Variants in KAT6A observed in about 807,000 individuals in gnomAD.
KAT6A encodes histone acetyltransferase KAT6A.
KAT6A carries 9 observed loss-of-function variants against 198.4 expected under a neutral mutation model. That is an observed-to-expected ratio of 0.05 (90% CI 0.03 to 0.08). The LOEUF (loss-of-function observed/expected upper bound fraction) is 0.08, where lower values mean the gene tolerates loss of function less well. KAT6A is among the 10% of genes least tolerant of loss of function. The pLI is 1.00. For synonymous variants in KAT6A, 890 were observed against 883.0 expected, an observed-to-expected ratio of 1.01 and a Z score of -0.14; for missense variants, 2,077 against 2,509.9, an observed-to-expected ratio of 0.83 and a Z score of 3.69.
chr8:41,930,552 AAT>A lies in KAT6A; in HGVS notation c.*1651_*1652del, dbSNP rs1388843352. ...AAAATTTATCTATATAAAATGTACA[AAT>A]AAAGGAGAGAATTTAATGCTTACAG... On this transcript the variant is annotated 3_prime_UTR_variant, in exon 17 of 17. Transcript: ENST00000265713. 1 of 190,972 alleles carries A rather than the reference AAT, an allele frequency of 5.2e-6. No individual in the cohort carries two copies. Among genetic ancestry groups the A allele is most frequent in the Non-Finnish European group, 1.1e-5 (1 of 91,458 alleles). The allele number at this position is 190,972 out of a possible 1,614,324, so 11.8% of individuals were successfully genotyped here.
intron 2 of KAT6A, among the ~76,000 whole-genome samples, chr8:42,004,787 G>C (rs558797041): frequency 3.9e-5 from 6 of 152,176 alleles, no homozygotes; most frequent in Non-Finnish European, 8.8e-5. Flanking sequence ...TATTAGCCGG[G>C]TGTGGTGGTG....
intron 8 of KAT6A, chr8:41,958,366 A>G (rs533112686): frequency 2.0e-5 from 3 of 152,344 alleles, no homozygotes; most frequent in Admixed American, 2.0e-4. Context: ...AGATGAAAAA[A>G]TAAGCCTCAG....
At chr8:42,002,129 C>A (rs1282797171) in intron 2 of KAT6A, among the ~76,000 whole-genome samples, 1 of 152,196 alleles carries the variant, frequency 6.6e-6, no homozygotes, top group African/African-American at 2.4e-5. Context: ...TCAGACCTCA[C>A]AACTGTCCTA....
At chr8:42,020,958 T>C (rs926251472) in intron 2 of KAT6A, among the ~76,000 whole-genome samples, 6 of 152,074 alleles carry the variant, frequency 3.9e-5, no homozygotes, top group Non-Finnish European at 7.4e-5. Context: ...TAAAGACTTA[T>C]TTTAACAACT....
chr8:41,938,952 AG>A (rs1167711789), intron 15 of KAT6A, among the ~76,000 whole-genome samples: 2 of 135,398 alleles, frequency 1.5e-5, no homozygotes, highest in Non-Finnish European at 3.1e-5. Flanking sequence ...CATCTGGGGA[AG>A]GAAAAAAAAA....
At chr8:42,044,565 A>AT (rs1827820337) in intron 2 of KAT6A, among the ~76,000 whole-genome samples, 1 of 152,158 alleles carries the variant, frequency 6.6e-6, no homozygotes, top group Admixed American at 6.5e-5. Context: ...AAAATCTAAC[A>AT]TACAGTTCCT....
chr8:41,977,358 A>G (rs369926652), intron 6 of KAT6A, 31 bp from the exon 7 acceptor site: 7 of 1,504,002 alleles, frequency 4.7e-6, no homozygotes, highest in African/African-American at 1.4e-5. Context: ...AAGGGTAAGT[A>G]TTAAAAAAGA....
At chr8:42,001,116 A>G (rs1184404209) in intron 2 of KAT6A, among the ~76,000 whole-genome samples, 3 of 152,152 alleles carry the variant, frequency 2.0e-5, no homozygotes, top group Non-Finnish European at 4.4e-5. Flanking sequence ...AGAATGGTTT[A>G]AACTTGGATA....
At chr8:42,028,017 C>G (rs774106581) in intron 2 of KAT6A, among the ~76,000 whole-genome samples, 1 of 151,954 alleles carries the variant, frequency 6.6e-6, no homozygotes, top group East Asian at 1.9e-4. Context: ...AGTGATTGTT[C>G]GGGAGCATGC....
rs188789836 is a variant in KAT6A, at chr8:41,961,682, C to T, written c.1483-6271G>A. On this transcript the variant is annotated intron_variant, in intron 8 of 16. Coordinates refer to ENST00000265713, the MANE Select transcript of KAT6A (RefSeq NM_006766.5). Reference sequence around the variant, plus strand: ...GCAGGAGAATCCCTTGAACCCGGGACGTGGCGGTTGCAATGAGCCGAGATG... The same window carrying T: ...GCAGGAGAATCCCTTGAACCCGGGATGTGGCGGTTGCAATGAGCCGAGATG... 6.5e-4 allele frequency among the ~76,000 whole-genome samples: 94 copies of T among 144,226 alleles called. 1 individual carries two copies. The East Asian group carries it at 0.017, about 26-fold the overall frequency. 94.6% of individuals were successfully genotyped at this position (144,226 alleles called of 152,430 possible). A position where few individuals can be genotyped will look rare whatever the true frequency, so the allele number is the denominator to read the frequency against.
chr8:42,002,145 A>G (rs1298117135), intron 2 of KAT6A, among the ~76,000 whole-genome samples: 1 of 152,156 alleles, frequency 6.6e-6, no homozygotes, highest in Non-Finnish European at 1.5e-5. Context: ...TCCTATGGGG[A>G]AGGTAATATC....
In KAT6A at chr8:41,977,193, C is replaced by A; in HGVS notation, c.1178G>T (p.Cys393Phe). The A allele has an allele frequency of 6.2e-7, 1 of 1,614,156 alleles. No individual in the cohort carries two copies. Among genetic ancestry groups the A allele is most frequent in the Non-Finnish European group, 8.5e-7 (1 of 1,180,006 alleles). The change falls in exon 7 of 17, where the codon TGC (cysteine) becomes TTC (phenylalanine). Residue 393 changes from cysteine to phenylalanine, a missense_variant. Around this residue, in one of 13 missense-constraint regions of KAT6A, gnomAD observed 206 missense variants for 214.9 expected, o/e 0.96. Transcript: ENST00000265713. ...CTTCAAGGAGACATTGCTATCTCTGCAGAAGTCCAAGCCATCTATCCGCTC... is the reference window on the plus strand; with the variant it reads ...CTTCAAGGAGACATTGCTATCTCTGAAGAAGTCCAAGCCATCTATCCGCTC... ...YLERIDGLDFCRDSNVSLKFN... is the reference protein window; with the variant it reads ...YLERIDGLDFFRDSNVSLKFN...
chr8:41,941,385 T>C lies in KAT6A; in HGVS notation c.2496A>G (p.Glu832=), dbSNP rs2150861827. ...CTGGAGCCATAACTTCTGGTTTCTTTTCACTTTCTACTGAATAAGAATCTT... is the reference window on the plus strand; with the variant it reads ...CTGGAGCCATAACTTCTGGTTTCTTCTCACTTTCTACTGAATAAGAATCTT... ...KEQDSYSVES[E]KKPEVMAPVS... The change falls in exon 15 of 17, where the codon GAA becomes GAG. Residue 832 remains glutamate (E), a synonymous_variant. Transcript: ENST00000265713. 1 of 1,610,580 alleles carries C rather than the reference T, an allele frequency of 6.2e-7. No individual in the cohort carries two copies.
chr8:42,019,218 C>T (rs1384856715), intron 2 of KAT6A, among the ~76,000 whole-genome samples: 1 of 152,092 alleles, frequency 6.6e-6, no homozygotes, highest in East Asian at 1.9e-4. Flanking sequence ...ATTGAGAGGC[C>T]TTACATTGGT....
intron 2 of KAT6A, among the ~76,000 whole-genome samples, chr8:42,006,577 T>G (rs1031479556): frequency 6.6e-6 from 1 of 152,202 alleles, no homozygotes; most frequent in Non-Finnish European, 1.5e-5. Flanking sequence ...CCAATGAGCA[T>G]TTCCTTTGAG....
Position 42,048,615 on chromosome 8 carries a change from A to T in KAT6A, c.363T>A (p.Ile121=). 6.2e-7 allele frequency: 1 copy of T among 1,614,166 alleles called. No individual in the cohort carries two copies. Among genetic ancestry groups the T allele is most frequent in the Non-Finnish European group, 8.5e-7 (1 of 1,180,020 alleles). ...CCTTCTGACCTTTCAAAAAACGTTC[A>T]ATGCTTTTCAAAGTTGAGCCACCAG... ...AESGGSTLKS[I]ERFLKGQKDV... Residue 121 remains isoleucine (I), a synonymous_variant, in exon 2 of 17, where the codon ATT becomes ATA. Transcript: ENST00000265713.
intron 8 of KAT6A, among the ~76,000 whole-genome samples, chr8:41,973,237 T>C (rs1823885686): frequency 6.6e-6 from 1 of 152,122 alleles, no homozygotes; most frequent in Non-Finnish European, 1.5e-5. Flanking sequence ...AATTTTTTTT[T>C]TTTTTTGAGA....
At chr8:41,956,014 T>C (rs1269776217) in intron 8 of KAT6A, among the ~76,000 whole-genome samples, 1 of 152,230 alleles carries the variant, frequency 6.6e-6, no homozygotes, top group Non-Finnish European at 1.5e-5. Context: ...GACACTCTGT[T>C]ATATACAGAC....
intron 2 of KAT6A, among the ~76,000 whole-genome samples, chr8:42,016,400 A>G (rs1166594085): frequency 1.3e-5 from 2 of 152,248 alleles, no homozygotes; most frequent in Non-Finnish European, 2.9e-5. Flanking sequence ...CCTTTCCCTT[A>G]TAACAAATTT....
Sources: gnomAD v4.1 joint callset for allele counts (sites outside exome capture counted in the v4.1 genomes callset) on GRCh38, gnomAD v4.1.1 for gene constraint, gnomAD v4.1.1 regional missense constraint, MANE v1.5 for transcripts, NCBI Gene and HGNC (gene_info 2026-07-23, HGNC 2026-07-21) for gene names.